Variants in NAV3 observed in about 807,000 individuals in gnomAD.
NAV3 encodes neuron navigator 3, also known as pore membrane and/or filament interacting like protein 1.
A neutral mutation model predicts 244.7 loss-of-function variants in NAV3; 87 were observed. The ratio of observed to expected loss-of-function variants is 0.36; its 90% CI spans 0.30 to 0.42. The LOEUF (loss-of-function observed/expected upper bound fraction) is 0.42, where lower values mean the gene tolerates loss of function less well. NAV3 is among the 20% of genes least tolerant of loss of function. NAV3 has a pLI of 1.00. For synonymous variants in NAV3, 1,126 were observed against 1,042.2 expected, an observed-to-expected ratio of 1.08 and a Z score of -1.55; for missense variants, 2,663 against 2,893.3, an observed-to-expected ratio of 0.92 and a Z score of 1.83.
chr12:77,882,884 C>A lies in NAV3; in HGVS notation c.243+51180C>A, dbSNP rs751447188. ...GCAAATCAAAAACCCTATGAGACAC[C>A]CTTTCACATCAGTCAGAATGGCTAT... On this transcript the variant is annotated intron_variant, in intron 1 of 39. Coordinates refer to ENST00000397909, the MANE Select transcript of NAV3 (RefSeq NM_001024383.2). 3.3e-5 allele frequency among the ~76,000 whole-genome samples: 5 copies of A among 152,150 alleles called. No individual in the cohort carries two copies. In the South Asian group the frequency reaches 6.2e-4, roughly 19 times the overall value.
chr12:77,752,569 G>C (rs1415314494), intron 2 of NAV3, among the ~76,000 whole-genome samples: 1 of 152,130 alleles, frequency 6.6e-6, no homozygotes, highest in Non-Finnish European at 1.5e-5. Flanking sequence ...TTTCACTGCT[G>C]CAATTCTACC....
intron 1 of NAV3, among the ~76,000 whole-genome samples, chr12:77,864,686 G>A (rs984568477): frequency 4.6e-5 from 7 of 151,850 alleles, no homozygotes; most frequent in African/African-American, 1.7e-4. Context: ...CATCTACCAT[G>A]CATCATATTG....
chr12:77,832,855 T>C lies in NAV3; in HGVS notation c.243+1151T>C, dbSNP rs1310666578. On this transcript the variant is annotated intron_variant, in intron 1 of 39. Transcript: ENST00000397909. ...CTTTTTAATGCAGCATTAACTATGA[T>C]GTCAAGCTTTCCAAAGTCACAGCCT... Among the ~76,000 whole-genome samples the C allele has an allele frequency of 2.0e-5, 3 of 152,220 alleles. No individual in the cohort carries two copies. In the South Asian group the frequency reaches 6.2e-4, roughly 31 times the overall value.
At chr12:77,597,502 A>AT in intron 2 of NAV3, among the ~76,000 whole-genome samples, 1 of 152,196 alleles carries the variant, frequency 6.6e-6, no homozygotes, top group South Asian at 2.1e-4. Flanking sequence ...ATTGAATAAG[A>AT]TTTTTGCTAG....
At chr12:77,601,765 A>G (rs556556287) in intron 2 of NAV3, among the ~76,000 whole-genome samples, 1 of 152,108 alleles carries the variant, frequency 6.6e-6, no homozygotes, top group South Asian at 2.1e-4. Flanking sequence ...CTTGAGGGGC[A>G]TTGCTTATGA....
chr12:78,061,186 A>G (rs913876070), intron 12 of NAV3, among the ~76,000 whole-genome samples: 2 of 152,200 alleles, frequency 1.3e-5, no homozygotes, highest in South Asian at 2.1e-4. Context: ...CTGAGCTTTA[A>G]CTAGCCCTCA....
At chr12:77,712,669 C>G (rs1040239425) in intron 2 of NAV3, among the ~76,000 whole-genome samples, 14 of 152,066 alleles carry the variant, frequency 9.2e-5, no homozygotes, top group African/African-American at 3.1e-4. Flanking sequence ...CAGTAAGTCC[C>G]CAACTATTGA....
chr12:77,944,181 T>C (rs985968221), intron 3 of NAV3, among the ~76,000 whole-genome samples: 8 of 152,072 alleles, frequency 5.3e-5, no homozygotes, highest in African/African-American at 1.9e-4. Flanking sequence ...AGGAGAGTTG[T>C]TTGAAGGGAA....
chr12:77,747,093 C>T (rs1250989267), intron 2 of NAV3, among the ~76,000 whole-genome samples: 1 of 151,998 alleles, frequency 6.6e-6, no homozygotes, highest in Non-Finnish European at 1.5e-5. Flanking sequence ...TTATAATGTA[C>T]ATTTACGTAA....
chr12:77,926,680 T>A (rs1327616763), intron 1 of NAV3, among the ~76,000 whole-genome samples: 1 of 152,220 alleles, frequency 6.6e-6, no homozygotes, highest in Non-Finnish European at 1.5e-5. Flanking sequence ...CCTGGCAGAC[T>A]TTTTAAAATT....
intron 2 of NAV3, among the ~76,000 whole-genome samples, chr12:77,700,978 T>A (rs1291477572): frequency 6.6e-6 from 1 of 151,684 alleles, no homozygotes; most frequent in Non-Finnish European, 1.5e-5. Context: ...ATTAAACAAT[T>A]TTATATTAAT....
chr12:78,056,763 A>C (rs1247824134), intron 11 of NAV3, among the ~76,000 whole-genome samples: 1 of 152,168 alleles, frequency 6.6e-6, no homozygotes, highest in Non-Finnish European at 1.5e-5. Context: ...GTCATGAAAA[A>C]GTTGAATCAT....
chr12:77,957,671 A>ATT (rs1218161991), intron 3 of NAV3, among the ~76,000 whole-genome samples: 28 of 149,376 alleles, frequency 1.9e-4, no homozygotes, highest in African/African-American at 6.9e-4. Context: ...AACTATCAGT[A>ATT]TTTTTTTTTT....
rs754614139 is a variant in NAV3, at chr12:78,118,173, C to A, written c.2916C>A (p.Pro972=). 3 of 1,613,950 alleles carry A rather than the reference C, an allele frequency of 1.9e-6. No homozygotes were observed. The highest frequency in any genetic ancestry group is 3.3e-5 in the Admixed American group (2 of 60,018). ...KTVSSGLPED[P]EKAGQKASLS... The stretch of plus-strand genomic sequence containing the variant: ...TGTCCTCTGGACTTCCTGAAGACCC[C>A]GAGAAGGCAGGGCAGAAAGCTTCCC... Residue 972 remains proline (P), a synonymous_variant, in exon 14 of 40, where the codon CCC becomes CCA. Transcript: ENST00000397909.
At chr12:77,736,899 TTTCA>T (rs1877358976) in intron 2 of NAV3, among the ~76,000 whole-genome samples, 2 of 152,144 alleles carry the variant, frequency 1.3e-5, no homozygotes, top group Admixed American at 1.3e-4. Context: ...GGAGAATGGA[TTTCA>T]GAACAAGACG....
chr12:78,011,919 G>A (rs116596581), intron 8 of NAV3, among the ~76,000 whole-genome samples: 29 of 152,152 alleles, frequency 1.9e-4, no homozygotes, highest in African/African-American at 6.7e-4. Context: ...ATGGGAAACT[G>A]CCATACACTT....
intron 2 of NAV3, among the ~76,000 whole-genome samples, chr12:77,658,088 G>A (rs1873214234): frequency 6.6e-6 from 1 of 151,782 alleles, no homozygotes; most frequent in Non-Finnish European, 1.5e-5. Context: ...ATTCAACATA[G>A]TGTTGGAAGT....
At chr12:77,817,514 A>G (rs974178424) in intron 2 of NAV3, among the ~76,000 whole-genome samples, 3 of 152,006 alleles carry the variant, frequency 2.0e-5, no homozygotes, top group African/African-American at 7.2e-5. Context: ...AAGTTCTTCT[A>G]GTGATTCCGT....
chr12:78,052,193 A>C (rs1882853928), intron 11 of NAV3: 1 of 152,172 alleles, frequency 6.6e-6, no homozygotes, highest in South Asian at 2.1e-4. Context: ...TCATTCATGA[A>C]AAGCTTATGT....
Sources: gnomAD v4.1 joint callset for allele counts (sites outside exome capture counted in the v4.1 genomes callset) on GRCh38, gnomAD v4.1.1 for gene constraint, MANE v1.5 for transcripts, NCBI Gene and HGNC (gene_info 2026-07-23, HGNC 2026-07-21) for gene names.